Variants in GIT2 observed in about 807,000 individuals in gnomAD.
The protein encoded by GIT2 is ARF GTPase-activating protein GIT2.
A neutral mutation model predicts 100.3 loss-of-function variants in GIT2; 32 were observed. That is an observed-to-expected ratio of 0.32 (90% CI 0.24 to 0.43). The LOEUF is 0.43. Ranked by LOEUF, GIT2 falls within the 20% of genes least tolerant of loss-of-function variation. GIT2 has a pLI of 1.00. For synonymous variants in GIT2, 353 were observed against 364.1 expected, an observed-to-expected ratio of 0.97 and a Z score of 0.35; for missense variants, 737 against 975.1, an observed-to-expected ratio of 0.76 and a Z score of 3.25.
intron 7 of GIT2, among the ~76,000 whole-genome samples, chr12:109,972,664 T>C (rs903021635): frequency 6.6e-6 from 1 of 152,106 alleles, no homozygotes; most frequent in African/African-American, 2.4e-5. Flanking sequence ...GGTTTCACCA[T>C]GTTGGCCAGG....
chr12:109,967,225 G>A, intron 8 of GIT2: 1 of 855,290 alleles, frequency 1.2e-6, no homozygotes. Flanking sequence ...GGCTAAAACA[G>A]TGACAATATC....
intron 7 of GIT2, among the ~76,000 whole-genome samples, chr12:109,974,204 T>G (rs569448111): frequency 6.6e-6 from 1 of 152,212 alleles, no homozygotes; most frequent in African/African-American, 2.4e-5. Flanking sequence ...CCTTAAGACT[T>G]CCTCTTAGAT....
At chr12:109,974,715 T>C (rs1455806320) in intron 7 of GIT2, among the ~76,000 whole-genome samples, 4 of 152,246 alleles carry the variant, frequency 2.6e-5, no homozygotes, top group African/African-American at 9.6e-5. Flanking sequence ...GTTCAATATG[T>C]ACTTGAAAAG....
intron 15 of GIT2, 64 bp from the exon 16 acceptor site, chr12:109,945,413 C>A (rs1223734082): frequency 1.3e-6 from 1 of 797,046 alleles, no homozygotes; most frequent in South Asian, 1.4e-5. Flanking sequence ...TACCACCTTG[C>A]CAGCTTCAGT....
intron 18 of GIT2, among the ~76,000 whole-genome samples, chr12:109,937,529 A>G (rs577315200): frequency 1.3e-5 from 2 of 152,280 alleles, no homozygotes; most frequent in South Asian, 4.1e-4. Flanking sequence ...TGTTACCCCA[A>G]GCAGTTCGCA....
Position 109,934,563 on chromosome 12 carries a change from T to C in GIT2, c.2004-478A>G, listed in dbSNP as rs549508734. Among the ~76,000 whole-genome samples, 1 of 152,324 alleles carries C rather than the reference T, an allele frequency of 6.6e-6. No individual in the cohort carries two copies. The highest frequency in any genetic ancestry group is 1.9e-4 in the East Asian group (1 of 5,174). Reference sequence around the variant, plus strand: ...GCCTGGCTGATTTTTAAATATTTTTTTGTAGAGGAGTCCCACTATGTCGCC... The same window carrying C: ...GCCTGGCTGATTTTTAAATATTTTTCTGTAGAGGAGTCCCACTATGTCGCC... On this transcript the variant is annotated intron_variant, in intron 18 of 19. Transcript: ENST00000355312. This position sits in a 1 kb window ranked among gnomAD's most constrained non-coding sequence, Gnocchi z 4.5.
At chr12:109,993,369 T>C (rs1177763753) in intron 1 of GIT2, among the ~76,000 whole-genome samples, 1 of 152,212 alleles carries the variant, frequency 6.6e-6, no homozygotes, top group East Asian at 1.9e-4. Context: ...TCTTTACCAT[T>C]TTTTAAGAGT....
At chr12:109,979,758 G>A (rs1340883181) in intron 7 of GIT2, among the ~76,000 whole-genome samples, 2 of 152,138 alleles carry the variant, frequency 1.3e-5, no homozygotes, top group Admixed American at 1.3e-4. Flanking sequence ...GTCCAGGTCT[G>A]TTAGTTCTAT....
intron 4 of GIT2, among the ~76,000 whole-genome samples, chr12:109,984,699 G>A (rs1887001009): frequency 5.9e-5 from 9 of 151,912 alleles, no homozygotes; most frequent in Admixed American, 5.9e-4. Flanking sequence ...CTCCCACCTC[G>A]GCCTCCCAAA....
intron 12 of GIT2, among the ~76,000 whole-genome samples, chr12:109,957,008 A>G (rs1436131162): frequency 6.7e-6 from 1 of 149,326 alleles, no homozygotes; most frequent in Non-Finnish European, 1.5e-5. Flanking sequence ...ACAGAGTGAG[A>G]CTCGTCTCAA....
chr12:109,953,204 T>C lies in GIT2; in HGVS notation c.1130A>G (p.Asn377Ser), dbSNP rs372967456. Residue 377 changes from asparagine (N) to serine (S), a missense_variant, in exon 13 of 20, where the codon AAT (asparagine) becomes AGT (serine). Around this residue, in one of 3 missense-constraint regions of GIT2, gnomAD observed 451 missense variants for 543.7 expected, o/e 0.83. Transcript: ENST00000355312. ...DNVELILKTI[N>S]NQHSVESQDN... Reference sequence around the variant, plus strand: ...TTGACTCTCAACGCTGTGCTGGTTATTGATGGTTTTCAGTATGAGCTCCAC... The same window carrying C: ...TTGACTCTCAACGCTGTGCTGGTTACTGATGGTTTTCAGTATGAGCTCCAC... 47 of 1,613,962 alleles carry C rather than the reference T, an allele frequency of 2.9e-5. No homozygotes were observed. Among genetic ancestry groups the C allele is most frequent in the Non-Finnish European group, 3.9e-5 (46 of 1,179,912 alleles).
At chr12:109,961,226 A>G (rs1880953771) in intron 11 of GIT2, 52 bp downstream of exon 11, 1 of 982,400 alleles carries the variant, frequency 1.0e-6, no homozygotes, top group East Asian at 2.4e-5. Context: ...AAAATGAAAC[A>G]TGACATCAGC....
In GIT2 at chr12:109,934,296, G is replaced by A; in HGVS notation, c.2004-211C>T. On this transcript the variant is annotated intron_variant, in intron 18 of 19. Coordinates refer to ENST00000355312, the MANE Select transcript of GIT2 (RefSeq NM_057169.5). This position sits in a 1 kb window ranked among gnomAD's most constrained non-coding sequence, Gnocchi z 4.5. ...AGTTCAATCTGATGAAAAGTCTCCAGGTATGAAATATGGCAACATACACTC... is the reference window on the plus strand; with the variant it reads ...AGTTCAATCTGATGAAAAGTCTCCAAGTATGAAATATGGCAACATACACTC... 1.7e-6 allele frequency: 1 copy of A among 574,934 alleles called. No homozygotes were observed. Among genetic ancestry groups the A allele is most frequent in the Non-Finnish European group, 3.1e-6 (1 of 320,316 alleles). 35.6% of individuals were successfully genotyped at this position (574,934 alleles called of 1,614,324 possible). A position where few individuals can be genotyped will look rare whatever the true frequency, so the allele number is the denominator to read the frequency against.
At chr12:109,999,715 C>A, upstream of GIT2, 1 of 1,539,480 alleles carries the variant, frequency 6.5e-7, no homozygotes, top group Non-Finnish European at 8.8e-7. This position sits in a 1 kb window ranked among gnomAD's most constrained non-coding sequence, Gnocchi z 4.3. Context: ...ACGCGGGCGA[C>A]CACTACCCCC....
At position 109,980,776 on chromosome 12, in the gene GIT2, A is replaced by G. The variant is rs1023387267; in HGVS notation, c.718+176T>C. 6.6e-6 allele frequency: 4 copies of G among 605,890 alleles called. No individual in the cohort carries two copies. The South Asian group carries it at 8.1e-5, about 12-fold the overall frequency. 37.5% of individuals were successfully genotyped at this position (605,890 alleles called of 1,614,324 possible). Reference sequence around the variant, plus strand: ...AATCTAAGGAGTTTTGTCCAACTTTATATCTTTTACATGTAACTGACAATT... The same window carrying G: ...AATCTAAGGAGTTTTGTCCAACTTTGTATCTTTTACATGTAACTGACAATT... On this transcript the variant is annotated intron_variant, in intron 7 of 19. Coordinates refer to ENST00000355312, the MANE Select transcript of GIT2 (RefSeq NM_057169.5).
intron 7 of GIT2, among the ~76,000 whole-genome samples, chr12:109,971,414 C>T (rs748570755): frequency 1.5e-4 from 23 of 151,922 alleles, no homozygotes; most frequent in Non-Finnish European, 3.2e-4. Context: ...CAACCTCTAC[C>T]TCACAGGTTC....
At chr12:109,984,955 T>C (rs1228995365) in intron 4 of GIT2, among the ~76,000 whole-genome samples, 6 of 152,242 alleles carry the variant, frequency 3.9e-5, no homozygotes, top group Admixed American at 1.3e-4. Flanking sequence ...TTTAATAAAG[T>C]CTTTCAGGGT....
chr12:109,954,123 A>G (rs981472591), intron 12 of GIT2: 2 of 152,072 alleles, frequency 1.3e-5, no homozygotes, highest in African/African-American at 4.8e-5. Context: ...CCTGGTTAAC[A>G]TGGTGAAACC....
chr12:109,964,131 A>G (rs1881709853), intron 9 of GIT2, among the ~76,000 whole-genome samples: 1 of 152,210 alleles, frequency 6.6e-6, no homozygotes, highest in African/African-American at 2.4e-5. Context: ...TATTTATAAT[A>G]AAATTTACTT....
Sources: gnomAD v4.1 joint callset for allele counts (sites outside exome capture counted in the v4.1 genomes callset) on GRCh38, gnomAD v4.1.1 for gene constraint, gnomAD v4.1.1 regional missense constraint, Gnocchi (gnomAD v3.1) non-coding constraint, MANE v1.5 for transcripts, NCBI Gene and HGNC (gene_info 2026-07-23, HGNC 2026-07-21) for gene names.